The following LPGAT1 variants were observed in gnomAD, a reference collection of about 807,000 sequenced individuals.
The protein encoded by LPGAT1 is acyl-CoA:lysophosphatidylglycerol acyltransferase 1.
A neutral mutation model predicts 47.5 loss-of-function variants in LPGAT1; 11 were observed. That is an observed-to-expected ratio of 0.23 (90% confidence interval 0.15 to 0.38). The LOEUF (loss-of-function observed/expected upper bound fraction) is 0.38. Ranked by LOEUF, LPGAT1 falls within the 10% of genes least tolerant of loss-of-function variation. LPGAT1 has a pLI of 1.00. For synonymous variants in LPGAT1, 138 were observed against 144.2 expected (o/e 0.96, Z 0.31); for missense variants, 293 against 439.0 (o/e 0.67, Z 2.97).
chr1:211,790,849 G>A (rs896646622), intron 3 of LPGAT1, among the ~76,000 whole-genome samples: 1 of 152,064 alleles, frequency 6.6e-6, no homozygotes, highest in African/African-American at 2.4e-5. Flanking sequence ...TATTTATATT[G>A]ACCATTTTAA....
rs889492275 is a variant in LPGAT1, at chr1:211,830,703, G to A, written c.-158C>T. The A allele has an allele frequency of 4.6e-5, 55 of 1,188,010 alleles. 1 individual carries two copies. Among genetic ancestry groups the A allele is most frequent in the Non-Finnish European group, 5.5e-5 (53 of 959,754 alleles). The allele number at this position is 1,188,010 out of a possible 1,614,324, so 73.6% of individuals were successfully genotyped here. A position where few individuals can be genotyped will look rare whatever the true frequency, so the allele number is the denominator to read the frequency against. ...CCGCTCCGGCTGTGGCGCGGCCCGC[G>A]CCCGTTCCCCGGCGGCGCCGAGACT... On this transcript the variant is annotated 5_prime_UTR_variant, in exon 1 of 8. Transcript: ENST00000366997. This position sits in a 1 kb window ranked among gnomAD's most constrained non-coding sequence, Gnocchi z 5.9.
chr1:211,800,249 T>G (rs1330752901), intron 2 of LPGAT1, among the ~76,000 whole-genome samples: 1 of 150,624 alleles, frequency 6.6e-6, no homozygotes, highest in African/African-American at 2.4e-5. Context: ...GTTGGACAGG[T>G]TGGTCTTGGT....
chr1:211,796,604 T>G (rs899077923), intron 2 of LPGAT1, among the ~76,000 whole-genome samples: 8 of 152,178 alleles, frequency 5.3e-5, no homozygotes, highest in African/African-American at 1.9e-4. Flanking sequence ...AAACCCACTT[T>G]GTGGTAATTT....
intron 2 of LPGAT1, among the ~76,000 whole-genome samples, chr1:211,811,925 A>G (rs1660004939): frequency 6.6e-6 from 1 of 152,252 alleles, no homozygotes; most frequent in Non-Finnish European, 1.5e-5. Flanking sequence ...ATGAAAACAC[A>G]TGGGCTTTAG....
chr1:211,771,366 G>A (rs1382793062), intron 6 of LPGAT1, among the ~76,000 whole-genome samples: 1 of 152,112 alleles, frequency 6.6e-6, no homozygotes, highest in Non-Finnish European at 1.5e-5. Flanking sequence ...AGGTATCCCT[G>A]TCATTAAGTG....
Position 211,749,548 on chromosome 1 carries a change from C to T in LPGAT1, c.*351G>A. Reference sequence around the variant, plus strand: ...AGCTAAGAGGGATGAATATAACTTTCTGAGCTTCAACTAAATTGTCAAGTA... The same window carrying T: ...AGCTAAGAGGGATGAATATAACTTTTTGAGCTTCAACTAAATTGTCAAGTA... On this transcript the variant is annotated 3_prime_UTR_variant, in exon 8 of 8. Coordinates refer to ENST00000366997, the MANE Select transcript of LPGAT1 (RefSeq NM_014873.3). 1 of 261,828 alleles carries T rather than the reference C, an allele frequency of 3.8e-6. No homozygotes were observed. Among genetic ancestry groups the T allele is most frequent in the South Asian group, 4.3e-5 (1 of 23,526 alleles). The allele number at this position is 261,828 out of a possible 1,614,324, so 16.2% of individuals were successfully genotyped here.
chr1:211,829,668 C>G, intron 1 of LPGAT1: 1 of 1,070,356 alleles, frequency 9.3e-7, no homozygotes, highest in Non-Finnish European at 1.1e-6. Context: ...TCGCTTCAGA[C>G]AACCTCAGGA....
intron 2 of LPGAT1, among the ~76,000 whole-genome samples, chr1:211,810,535 G>A (rs1000328424): frequency 1.9e-4 from 29 of 151,926 alleles, no homozygotes. Context: ...CCATCATCAT[G>A]CCAGCATCTC....
At chr1:211,794,812 A>G (rs1659282261) in intron 2 of LPGAT1, among the ~76,000 whole-genome samples, 1 of 152,194 alleles carries the variant, frequency 6.6e-6, no homozygotes, top group Non-Finnish European at 1.5e-5. Context: ...GGATAGGGAG[A>G]CCTGTTTAGA....
chr1:211,758,331 T>C (rs549845916), intron 6 of LPGAT1, among the ~76,000 whole-genome samples: 1 of 152,348 alleles, frequency 6.6e-6, no homozygotes, highest in East Asian at 1.9e-4. Flanking sequence ...GACAAATTAA[T>C]GCAAATAGTG....
Position 211,746,627 on chromosome 1 carries a change from T to G in LPGAT1, c.*3272A>C, listed in dbSNP as rs1656954462. 1 of 152,194 alleles carries G rather than the reference T, an allele frequency of 6.6e-6. No homozygotes were observed. Among genetic ancestry groups the G allele is most frequent in the Non-Finnish European group, 1.5e-5 (1 of 68,032 alleles). 9.4% of individuals were successfully genotyped at this position (152,194 alleles called of 1,614,324 possible). A position where few individuals can be genotyped will look rare whatever the true frequency, so the allele number is the denominator to read the frequency against. On this transcript the variant is annotated 3_prime_UTR_variant, in exon 8 of 8. Transcript: ENST00000366997. Reference sequence around the variant, plus strand: ...AGTAATCAATCTAGTAATCCTTCCTTTATAGTGGAAAGTTAAGGATTGGTT... The same window carrying G: ...AGTAATCAATCTAGTAATCCTTCCTGTATAGTGGAAAGTTAAGGATTGGTT...
intron 3 of LPGAT1, among the ~76,000 whole-genome samples, 160 bp from the exon 4 acceptor site, chr1:211,787,887 T>C (rs1020439884): frequency 1.3e-5 from 2 of 152,196 alleles, no homozygotes; most frequent in Non-Finnish European, 2.9e-5. Flanking sequence ...CAGTTACTAA[T>C]AGTGTCTACA....
Position 211,770,948 on chromosome 1 carries a change from T to C in LPGAT1, c.854+7970A>G, listed in dbSNP as rs148341540. Among the ~76,000 whole-genome samples, 127 of 151,940 alleles carry C rather than the reference T, an allele frequency of 8.4e-4. 1 individual carries two copies. Among genetic ancestry groups the C allele is most frequent in the African/African-American group, 2.9e-3 (122 of 41,416 alleles). On this transcript the variant is annotated intron_variant, in intron 6 of 7. Coordinates refer to ENST00000366997, the MANE Select transcript of LPGAT1 (RefSeq NM_014873.3). ...CCCATCTCTACTAAAAATACAAAAATTACCTGAGCATGGTGGCACATGCCT... is the reference window on the plus strand; with the variant it reads ...CCCATCTCTACTAAAAATACAAAAACTACCTGAGCATGGTGGCACATGCCT...
chr1:211,829,489 G>A, intron 1 of LPGAT1, 166 bp from the exon 2 acceptor site: 1 of 1,433,796 alleles, frequency 7.0e-7, no homozygotes, highest in Non-Finnish European at 9.1e-7. Context: ...GGGGGACAGA[G>A]AGCGAGGGAG....
chr1:211,821,315 A>G (rs1368044738), intron 2 of LPGAT1, among the ~76,000 whole-genome samples: 1 of 152,242 alleles, frequency 6.6e-6, no homozygotes, highest in African/African-American at 2.4e-5. Flanking sequence ...TGTAAGAATA[A>G]TATCCTCATC....
intron 2 of LPGAT1, among the ~76,000 whole-genome samples, chr1:211,825,959 CA>C (rs914464272): frequency 7.7e-4 from 108 of 140,246 alleles, no homozygotes; most frequent in Non-Finnish European, 8.3e-4. Context: ...GACTCCATCT[CA>C]AAAAAAAAAA....
At chr1:211,780,125 C>T (rs747145133) in intron 5 of LPGAT1, among the ~76,000 whole-genome samples, 6 of 151,294 alleles carry the variant, frequency 4.0e-5, no homozygotes, top group Admixed American at 6.6e-5. Context: ...TGTAGTGAGC[C>T]GAGATCGCAC....
intron 2 of LPGAT1, among the ~76,000 whole-genome samples, chr1:211,793,495 C>T (rs111816498): frequency 2.6e-5 from 4 of 151,624 alleles, no homozygotes; most frequent in South Asian, 2.1e-4. Flanking sequence ...TGTAGTGGTG[C>T]GATCTTGGCT....
intron 2 of LPGAT1, among the ~76,000 whole-genome samples, chr1:211,812,381 G>A (rs953268387): frequency 6.6e-6 from 1 of 152,200 alleles, no homozygotes; most frequent in Non-Finnish European, 1.5e-5. Flanking sequence ...GTAAGCATAT[G>A]ACACAGAGAC....
Sources: gnomAD v4.1 joint callset for allele counts (sites outside exome capture counted in the v4.1 genomes callset) on GRCh38, gnomAD v4.1.1 for gene constraint, Gnocchi (gnomAD v3.1) non-coding constraint, MANE v1.5 for transcripts, NCBI Gene and HGNC (gene_info 2026-07-23, HGNC 2026-07-21) for gene names.